GLIS3: variants seen among roughly 807,000 people sequenced by gnomAD.
GLIS3 encodes zinc finger protein GLIS3.
In GLIS3, 53 loss-of-function variants were observed where a neutral mutation model predicts 78.6. The observed-to-expected ratio is 0.67, with a 90% CI of 0.54 to 0.85. The LOEUF is 0.85. Ranked by LOEUF, GLIS3 falls within the 40% of genes least tolerant of loss-of-function variation. GLIS3 has a pLI of 0.00. For missense variants in GLIS3, 1,703 were observed against 1,231.1 expected (o/e 1.38, Z -5.74); for synonymous variants, 684 against 509.9 (o/e 1.34, Z -4.60).
rs186549942 is a variant in GLIS3, at chr9:3,992,481, G to A, written c.1711-55292C>T. Among the ~76,000 whole-genome samples the A allele has an allele frequency of 5.6e-3, 851 of 152,294 alleles. 1 individual carries two copies. The highest frequency in any genetic ancestry group is 8.1e-3 in the Non-Finnish European group (553 of 68,022). On this transcript the variant is annotated intron_variant, in intron 4 of 10. Coordinates refer to ENST00000381971, the MANE Select transcript of GLIS3 (RefSeq NM_001042413.2). ...TCCTCCTCATGCATAAACAGTGAAT[G>A]CACACAGGTACTAAAGCAAATCCTC... is the stretch of plus-strand genomic sequence containing the variant.
intron 1 of GLIS3, among the ~76,000 whole-genome samples, chr9:4,288,472 G>T (rs1373050963): frequency 8.5e-6 from 1 of 117,350 alleles, no homozygotes; most frequent in Non-Finnish European, 1.8e-5. Context: ...CCCATTTCCA[G>T]GTTTTTAAAA....
At chr9:4,444,915 T>C in the GLIS3 span, among the ~76,000 whole-genome samples, 3 of 152,230 alleles carry the variant, frequency 2.0e-5, no homozygotes, top group African/African-American at 4.8e-5. Flanking sequence ...GCCTAAGATG[T>C]CAAAACATCT....
At chr9:4,308,918 G>A (rs1248007926) in exon 4 of GLIS3, 1 of 152,202 alleles carries the variant, frequency 6.6e-6, no homozygotes, top group Non-Finnish European at 1.5e-5. Context: ...ACATTTAATA[G>A]CTGAGCAACT....
chr9:3,894,671 AAG>A (rs1822698341), intron 7 of GLIS3, among the ~76,000 whole-genome samples: 1 of 152,092 alleles, frequency 6.6e-6, no homozygotes, highest in South Asian at 2.1e-4. Context: ...GCTCCAAAAA[AAG>A]TATTTTTCCT....
chr9:4,336,972 G>A (rs950182509), intron 2 of GLIS3, among the ~76,000 whole-genome samples: 1 of 152,166 alleles, frequency 6.6e-6, no homozygotes, highest in Non-Finnish European at 1.5e-5. Flanking sequence ...CCAGAGGACA[G>A]AATATAAATG....
rs183145925 is a variant in GLIS3 at position 3,985,402 on chromosome 9, C to G, written c.1711-48213G>C. On this transcript the variant is annotated intron_variant, in intron 4 of 10. Transcript: ENST00000381971. The stretch of plus-strand genomic sequence containing the variant: ...AGCTCAGGCAATGTGCCTGCCTCAG[C>G]CTCCCAAGGTGCTGGGATTACAGGT... 8.3e-3 allele frequency among the ~76,000 whole-genome samples: 1,258 copies of G among 152,326 alleles called. 7 individuals carry two copies. The highest frequency in any genetic ancestry group is 0.013 in the Non-Finnish European group (895 of 68,034).
At chr9:3,866,418 G>A (rs575046359) in intron 8 of GLIS3, among the ~76,000 whole-genome samples, 117 of 152,204 alleles carry the variant, frequency 7.7e-4, no homozygotes, top group African/African-American at 2.7e-3. Context: ...CCGAGATCAC[G>A]CCACTGCACT....
intron 4 of GLIS3, chr9:3,975,014 GCCT>G (rs1356624754): frequency 2.0e-5 from 3 of 152,008 alleles, no homozygotes; most frequent in African/African-American, 4.8e-5. Flanking sequence ...GGGGAGAGAA[GCCT>G]CCTAAATCAG....
At chr9:4,188,008 C>T (rs947347606) in intron 2 of GLIS3, among the ~76,000 whole-genome samples, 32 of 152,210 alleles carry the variant, frequency 2.1e-4, no homozygotes, top group Non-Finnish European at 3.1e-4. Context: ...TTCCTAAATG[C>T]CCTGGCCAGA....
chr9:4,315,692 C>T (rs7854610), intron 2 of GLIS3, among the ~76,000 whole-genome samples: 1,548 of 152,242 alleles, frequency 0.01, 36 homozygotes, highest in African/African-American at 0.035. Flanking sequence ...TGGAGACAAC[C>T]TCCCTGGGTC....
At chr9:4,418,719 CAT>C in the GLIS3 span, among the ~76,000 whole-genome samples, 1 of 151,844 alleles carries the variant, frequency 6.6e-6, no homozygotes, top group Non-Finnish European at 1.5e-5. Context: ...CAAAAAAAAA[CAT>C]ATTGGAGAAA....
At chr9:4,478,928 C>T in the GLIS3 span, among the ~76,000 whole-genome samples, 2 of 152,164 alleles carry the variant, frequency 1.3e-5, no homozygotes, top group Non-Finnish European at 2.9e-5. Context: ...CAAACCTCTA[C>T]ATCTAACTAC....
the GLIS3 span, among the ~76,000 whole-genome samples, chr9:4,374,281 G>A: frequency 6.6e-6 from 1 of 152,172 alleles, no homozygotes; most frequent in African/African-American, 2.4e-5. Flanking sequence ...GCTGTTATGG[G>A]CTAAATCCTC....
At chr9:3,930,093 G>C (rs958246845) in intron 6 of GLIS3, among the ~76,000 whole-genome samples, 2 of 152,174 alleles carry the variant, frequency 1.3e-5, no homozygotes, top group African/African-American at 4.8e-5. Flanking sequence ...CTGTTGGATG[G>C]AGCAACTTGC....
chr9:3,997,307 T>C (rs1370558538), intron 4 of GLIS3, among the ~76,000 whole-genome samples: 5 of 151,974 alleles, frequency 3.3e-5, no homozygotes, highest in Non-Finnish European at 4.4e-5. Flanking sequence ...GATCGCTGCA[T>C]TGCACCCCAG....
At chr9:4,358,285 G>A in the GLIS3 span, among the ~76,000 whole-genome samples, 9 of 151,788 alleles carry the variant, frequency 5.9e-5, no homozygotes, top group African/African-American at 1.2e-4. Context: ...TTTAATGCTC[G>A]ATTTTTTTTA....
intron 7 of GLIS3, among the ~76,000 whole-genome samples, chr9:3,882,621 G>T (rs1257700890): frequency 1.3e-5 from 2 of 152,176 alleles, no homozygotes; most frequent in East Asian, 3.9e-4. Flanking sequence ...TGCCAGTCAA[G>T]CCCACGTCAA....
At chr9:4,249,132 G>A (rs1269690975) in intron 2 of GLIS3, among the ~76,000 whole-genome samples, 2 of 152,082 alleles carry the variant, frequency 1.3e-5, no homozygotes, top group Non-Finnish European at 2.9e-5. Context: ...GGTTCCATAT[G>A]AAATTTAAAG....
At chr9:4,440,928 T>C in the GLIS3 span, among the ~76,000 whole-genome samples, 3 of 152,172 alleles carry the variant, frequency 2.0e-5, no homozygotes, top group East Asian at 5.8e-4. Context: ...TAAATAGAAC[T>C]GTTTTCTTAA....
Sources: allele counts gnomAD v4.1 joint callset (sites outside exome capture counted in the v4.1 genomes callset), GRCh38; gene constraint gnomAD v4.1.1; transcripts MANE v1.5; gene names NCBI Gene and HGNC (gene_info 2026-07-23, HGNC 2026-07-21).